ABCA8: variants seen among roughly 807,000 people sequenced by gnomAD.
ABCA8 encodes the protein ATP binding cassette subfamily A member 8, also known as ABC-type organic anion transporter ABCA8.
A neutral mutation model predicts 192.3 loss-of-function variants in ABCA8; 177 were observed. That is an observed-to-expected ratio of 0.92 (90% CI 0.81 to 1.04). The LOEUF (loss-of-function observed/expected upper bound fraction) is 1.04, where lower values mean the gene tolerates loss of function less well. ABCA8 is among the 50% of genes least tolerant of loss of function. The pLI, the probability that ABCA8 is intolerant of heterozygous loss-of-function variation, is 0.00. For missense variants in ABCA8, 1,915 were observed against 1,904.8 expected (o/e 1.01, Z -0.10); for synonymous variants, 642 against 690.2 (o/e 0.93, Z 1.09).
intron 27 of ABCA8, chr17:68,884,645 T>C: frequency 2.5e-6 from 3 of 1,191,640 alleles, no homozygotes; most frequent in Non-Finnish European, 3.1e-6. Context: ...CGTGCTAACC[T>C]CCCCAAACAG....
intron 37 of ABCA8, 83 bp from the exon 38 acceptor site, chr17:68,869,862 T>C (rs1165410128): frequency 4.2e-6 from 4 of 962,644 alleles, no homozygotes; most frequent in Non-Finnish European, 6.5e-6. Context: ...GGTCTTTTTT[T>C]TTCTTTTAAA....
intron 32 of ABCA8, chr17:68,878,584 C>T (rs1020016367): frequency 2.0e-5 from 3 of 152,270 alleles, no homozygotes; most frequent in African/African-American, 7.2e-5. Flanking sequence ...TTTGTGACAC[C>T]CAAATGGCTG....
intron 17 of ABCA8, among the ~76,000 whole-genome samples, chr17:68,908,496 A>C (rs2067149653): frequency 6.6e-6 from 1 of 152,164 alleles, no homozygotes; most frequent in Non-Finnish European, 1.5e-5. Context: ...CAGGAAGAAA[A>C]CATGTAGACA....
chr17:68,950,228 G>C (rs1360196300), intron 1 of ABCA8, among the ~76,000 whole-genome samples: 1 of 152,182 alleles, frequency 6.6e-6, no homozygotes, highest in Non-Finnish European at 1.5e-5. Flanking sequence ...CGTGCTCATA[G>C]ATAGGAAGAA....
chr17:68,906,131 G>A lies in ABCA8; in HGVS notation c.2311C>T (p.Leu771=). ...LYKDLDSYPD[L]GIENYGVSMT... is the part of the protein sequence containing the mutation. ...GAAACACCATAATTCTCAATTCCTA[G>A]GTCAGGATAGCTATCAAGATCCTTG... Residue 771 remains leucine, a synonymous_variant, in exon 19 of 40, where the codon CTA becomes TTA. Coordinates refer to ENST00000586539, the MANE Select transcript of ABCA8 (RefSeq NM_001288985.2). 1 of 1,596,958 alleles carries A rather than the reference G, an allele frequency of 6.3e-7. No individual in the cohort carries two copies.
At chr17:68,906,222 A>G in intron 18 of ABCA8, 59 bp from the exon 19 acceptor site, 1 of 1,341,218 alleles carries the variant, frequency 7.5e-7, no homozygotes, top group Non-Finnish European at 9.8e-7. Context: ...ACTGAAGACA[A>G]TTTTTCAAAC....
At chr17:68,900,617 A>G (rs2066883316) in intron 21 of ABCA8, among the ~76,000 whole-genome samples, 3 of 152,022 alleles carry the variant, frequency 2.0e-5, no homozygotes, top group African/African-American at 7.2e-5. Context: ...CCTGATATCT[A>G]AAGACATTAG....
At position 68,911,590 on chromosome 17, in the gene ABCA8, A is replaced by G. The variant is rs1355507369; in HGVS notation, c.2139-3711T>C. On this transcript the variant is annotated intron_variant, in intron 17 of 39. Transcript: ENST00000586539. The surrounding 1 kb of genome is among the most constrained non-coding windows in gnomAD (Gnocchi z 5.7). ...AAGAGCCCTTGGGCTTAGAGTGAACATTGGCGGTAGCCAGGCAGTGGTCGC... is the reference window on the plus strand; with the variant it reads ...AAGAGCCCTTGGGCTTAGAGTGAACGTTGGCGGTAGCCAGGCAGTGGTCGC... Among the ~76,000 whole-genome samples, 1 of 152,180 alleles carries G rather than the reference A, an allele frequency of 6.6e-6. No individual in the cohort carries two copies. The highest frequency in any genetic ancestry group is 1.5e-5 in the Non-Finnish European group (1 of 68,024).
intron 38 of ABCA8, 55 bp downstream of exon 38, chr17:68,869,645 T>C: frequency 8.3e-7 from 1 of 1,204,560 alleles, no homozygotes; most frequent in Non-Finnish European, 1.2e-6. Flanking sequence ...GTGATTATTT[T>C]ATGATTTGAA....
At chr17:68,946,798 G>T (rs1390759539) in intron 2 of ABCA8, among the ~76,000 whole-genome samples, 1 of 152,064 alleles carries the variant, frequency 6.6e-6, no homozygotes, top group Non-Finnish European at 1.5e-5. Flanking sequence ...AAAATTAGCT[G>T]GGCATGGTGG....
At chr17:68,905,496 A>G in intron 19 of ABCA8, among the ~76,000 whole-genome samples, 1 of 152,228 alleles carries the variant, frequency 6.6e-6, no homozygotes, top group East Asian at 1.9e-4. Flanking sequence ...AAAGTGCAGT[A>G]TCAGAAATAG....
chr17:68,918,873 T>C (rs896600286), intron 14 of ABCA8, among the ~76,000 whole-genome samples: 6 of 137,092 alleles, frequency 4.4e-5, no homozygotes, highest in African/African-American at 1.7e-4. Context: ...AATGTTACAG[T>C]GAGCCGGCAT....
chr17:68,886,375 G>T (rs924332992), intron 26 of ABCA8, among the ~76,000 whole-genome samples: 2 of 152,046 alleles, frequency 1.3e-5, no homozygotes, highest in Admixed American at 6.5e-5. Context: ...GGATCAGCTT[G>T]GGCTTTTCCT....
At chr17:68,900,367 G>A (rs2066874662) in intron 21 of ABCA8, among the ~76,000 whole-genome samples, 1 of 151,886 alleles carries the variant, frequency 6.6e-6, no homozygotes, top group African/African-American at 2.4e-5. Context: ...TGGAAAGACA[G>A]AAACTATTAA....
chr17:68,915,242 C>G (rs1418036529), intron 17 of ABCA8, among the ~76,000 whole-genome samples: 1 of 151,894 alleles, frequency 6.6e-6, no homozygotes, highest in Non-Finnish European at 1.5e-5. Context: ...TTTCTCTACC[C>G]CACAAGCAGA....
rs1387293627 is a variant in ABCA8, at chr17:68,910,343, G to A, written c.2139-2464C>T. Among the ~76,000 whole-genome samples, 7 of 152,100 alleles carry A rather than the reference G, an allele frequency of 4.6e-5. No individual in the cohort carries two copies. The South Asian group carries it at 1.5e-3, about 32-fold the overall frequency. On this transcript the variant is annotated intron_variant, in intron 17 of 39. Transcript: ENST00000586539. Reference sequence around the variant, plus strand: ...GGGAGGGAGAGGACAGTCATTGTGGGACTTTGCATTGGAACTCAGTGTTGC... The same window carrying A: ...GGGAGGGAGAGGACAGTCATTGTGGAACTTTGCATTGGAACTCAGTGTTGC...
intron 10 of ABCA8, 34 bp from the exon 11 acceptor site, chr17:68,924,903 A>G: frequency 6.2e-7 from 1 of 1,604,948 alleles, no homozygotes; most frequent in Non-Finnish European, 8.5e-7. Flanking sequence ...ATATTGGGTC[A>G]ATGACCACGT....
intron 13 of ABCA8, 58 bp from the exon 14 acceptor site, chr17:68,919,534 C>A: frequency 6.9e-7 from 1 of 1,442,314 alleles, no homozygotes; most frequent in Non-Finnish European, 9.5e-7. Flanking sequence ...TTAATAAAAT[C>A]GCTGTTAATT....
chr17:68,933,827 C>T (rs1468185496), intron 5 of ABCA8, among the ~76,000 whole-genome samples: 2 of 152,026 alleles, frequency 1.3e-5, no homozygotes, highest in South Asian at 2.1e-4. Flanking sequence ...AAAGAGATAT[C>T]CTTGAATAAG....
Sources: allele counts gnomAD v4.1 joint callset (sites outside exome capture counted in the v4.1 genomes callset), GRCh38; gene constraint gnomAD v4.1.1; non-coding constraint Gnocchi (gnomAD v3.1); transcripts MANE v1.5; gene names NCBI Gene and HGNC (gene_info 2026-07-23, HGNC 2026-07-21).